The following CEP112 variants were observed in gnomAD, a reference collection of about 807,000 sequenced individuals.
CEP112 encodes the protein centrosomal protein 112, also known as centrosomal protein of 112 kDa.
In CEP112, 127 loss-of-function variants were observed where a neutral mutation model predicts 153.0. The observed-to-expected ratio is 0.83, with a 90% CI of 0.72 to 0.96. The LOEUF is 0.96. Among genes scored for constraint, CEP112 ranks in the 40% least tolerant of loss-of-function variants. CEP112 has a pLI of 0.00. For synonymous variants in CEP112, 358 were observed against 374.4 expected, an observed-to-expected ratio of 0.96 and a Z score of 0.51; for missense variants, 1,089 against 1,101.2, an observed-to-expected ratio of 0.99 and a Z score of 0.16.
At chr17:65,765,419 C>T (rs1226486690) in intron 21 of CEP112, among the ~76,000 whole-genome samples, 2 of 151,954 alleles carry the variant, frequency 1.3e-5, no homozygotes, top group Non-Finnish European at 2.9e-5. Context: ...CAACAAAGTG[C>T]TCTGGTGTAT....
chr17:66,013,506 A>G (rs2064631998), intron 16 of CEP112, among the ~76,000 whole-genome samples: 1 of 152,188 alleles, frequency 6.6e-6, no homozygotes, highest in Non-Finnish European at 1.5e-5. Flanking sequence ...GCCAAGGCTC[A>G]GCTCAACACT....
intron 21 of CEP112, among the ~76,000 whole-genome samples, chr17:65,787,550 C>T (rs2054346553): frequency 6.6e-6 from 1 of 152,112 alleles, no homozygotes; most frequent in African/African-American, 2.4e-5. Flanking sequence ...AAATTGAGGA[C>T]AATTGACATC....
In CEP112 at chr17:65,662,672, T is replaced by C. The variant is rs149924484; in HGVS notation, c.2698-21607A>G. Among the ~76,000 whole-genome samples, 274 of 152,318 alleles carry C rather than the reference T, an allele frequency of 1.8e-3. 1 individual carries two copies. Among genetic ancestry groups the C allele is most frequent in the Middle Eastern group, 3.4e-3 (1 of 294 alleles). On this transcript the variant is annotated intron_variant, in intron 24 of 26. Transcript: ENST00000535342. ...TGGCTGAGGGCCGCAGTATCCTCATTGGGCCAGCTTTTTTCTTTACTTCAA... is the reference window on the plus strand; with the variant it reads ...TGGCTGAGGGCCGCAGTATCCTCATCGGGCCAGCTTTTTTCTTTACTTCAA...
intron 24 of CEP112, among the ~76,000 whole-genome samples, chr17:65,648,828 A>T (rs1443811242): frequency 2.6e-5 from 4 of 152,158 alleles, no homozygotes; most frequent in Non-Finnish European, 5.9e-5. Context: ...AGGTGGGTGG[A>T]TCACCTGAGG....
chr17:65,953,839 T>C (rs2061917869), intron 18 of CEP112, among the ~76,000 whole-genome samples: 1 of 152,114 alleles, frequency 6.6e-6, no homozygotes, highest in Non-Finnish European at 1.5e-5. Context: ...GACATGCCTA[T>C]TGCTGCCCCC....
At chr17:65,731,501 A>C (rs2050505968) in intron 23 of CEP112, among the ~76,000 whole-genome samples, 1 of 152,136 alleles carries the variant, frequency 6.6e-6, no homozygotes, top group Non-Finnish European at 1.5e-5. Flanking sequence ...GCTGCTGACT[A>C]ATAAGGGTGG....
intron 18 of CEP112, among the ~76,000 whole-genome samples, chr17:65,937,692 G>A (rs2144402092): frequency 1.0e-5 from 1 of 98,460 alleles, no homozygotes; most frequent in Middle Eastern, 5.3e-3. Flanking sequence ...CGCCCCTACT[G>A]GGAAGTGAGG....
chr17:65,813,436 ATCT>A (rs1363765836), intron 21 of CEP112, among the ~76,000 whole-genome samples: 3 of 152,224 alleles, frequency 2.0e-5, no homozygotes, highest in Non-Finnish European at 2.9e-5. Flanking sequence ...AAAACCAATG[ATCT>A]TGTGAAACAG....
chr17:66,164,487 G>A (rs765396477), intron 4 of CEP112, among the ~76,000 whole-genome samples: 96 of 151,310 alleles, frequency 6.3e-4, no homozygotes, highest in Admixed American at 4.6e-4. Flanking sequence ...AACCCAGGAG[G>A]CAGAGGTTGC....
At chr17:65,868,820 T>G (rs927097080) in intron 20 of CEP112, among the ~76,000 whole-genome samples, 1 of 152,226 alleles carries the variant, frequency 6.6e-6, no homozygotes, top group African/African-American at 2.4e-5. Flanking sequence ...ACAATATGCG[T>G]TTTAACATTT....
chr17:65,668,523 A>C (rs1408191943), intron 24 of CEP112, among the ~76,000 whole-genome samples: 2 of 152,180 alleles, frequency 1.3e-5, no homozygotes, highest in African/African-American at 4.8e-5. Context: ...AAAAGTCTAT[A>C]TAATTCATAA....
At chr17:65,827,639 C>T (rs900795667) in intron 21 of CEP112, among the ~76,000 whole-genome samples, 15 of 152,150 alleles carry the variant, frequency 9.9e-5, no homozygotes, top group Non-Finnish European at 1.2e-4. Context: ...TCTCTCATTA[C>T]TCAGAGTTAA....
chr17:65,881,896 T>G (rs966420616), intron 20 of CEP112, among the ~76,000 whole-genome samples: 11 of 152,242 alleles, frequency 7.2e-5, no homozygotes, highest in African/African-American at 2.7e-4. Flanking sequence ...TGTGTAGGAA[T>G]ACTACTGTTC....
At position 65,675,851 on chromosome 17, in the gene CEP112, T is replaced by C. The variant is rs185752199; in HGVS notation, c.2697+13278A>G. 2.7e-3 allele frequency among the ~76,000 whole-genome samples: 409 copies of C among 152,004 alleles called. 2 individuals are homozygous for C. The highest frequency in any genetic ancestry group is 6.2e-3 in the Admixed American group (95 of 15,272). On this transcript the variant is annotated intron_variant, in intron 24 of 26. Transcript: ENST00000535342. ...TGCATTCACTGAATAAGAAACAAAA[T>C]TCATATGATTACTTCAAAAGATGGA...
At chr17:65,702,148 T>A (rs1183149869) in intron 23 of CEP112, among the ~76,000 whole-genome samples, 1 of 152,112 alleles carries the variant, frequency 6.6e-6, no homozygotes, top group African/African-American at 2.4e-5. Context: ...AATGCTGGGA[T>A]TACAGGCATG....
At chr17:66,144,177 A>G (rs1232427893) in intron 4 of CEP112, among the ~76,000 whole-genome samples, 1 of 152,194 alleles carries the variant, frequency 6.6e-6, no homozygotes, top group Non-Finnish European at 1.5e-5. Context: ...ACAAAAGTAC[A>G]CACCTGTGTA....
At chr17:66,004,412 A>G (rs1243845662) in intron 17 of CEP112, among the ~76,000 whole-genome samples, 1 of 152,096 alleles carries the variant, frequency 6.6e-6, no homozygotes, top group African/African-American at 2.4e-5. Flanking sequence ...AATCACTTGA[A>G]CCCAAGAGGC....
chr17:65,993,307 T>C (rs2063664414), intron 17 of CEP112, among the ~76,000 whole-genome samples: 1 of 152,344 alleles, frequency 6.6e-6, no homozygotes, highest in Middle Eastern at 3.4e-3. Flanking sequence ...TTCCATGGTA[T>C]ATATGTACCA....
chr17:65,781,619 G>A (rs2054003136), intron 21 of CEP112, among the ~76,000 whole-genome samples: 1 of 152,128 alleles, frequency 6.6e-6, no homozygotes, highest in Non-Finnish European at 1.5e-5. Context: ...TAAGGCTGTA[G>A]TAACCAAAAC....
Sources: gnomAD v4.1 joint callset for allele counts (sites outside exome capture counted in the v4.1 genomes callset) on GRCh38, gnomAD v4.1.1 for gene constraint, MANE v1.5 for transcripts, NCBI Gene and HGNC (gene_info 2026-07-23, HGNC 2026-07-21) for gene names.